The following SPAM1 variants were observed in gnomAD, a reference collection of about 807,000 sequenced individuals.
The protein encoded by SPAM1 is sperm adhesion molecule 1, also known as hyaluronidase PH-20.
SPAM1 carries 22 observed loss-of-function variants against 29.6 expected under a neutral mutation model. That is an observed-to-expected ratio of 0.74 (90% CI 0.53 to 1.06). The LOEUF is 1.06. Ranked by LOEUF, SPAM1 falls within the 50% of genes least tolerant of loss-of-function variation. SPAM1 has a pLI of 0.00. For missense variants in SPAM1, 534 were observed against 604.0 expected (o/e 0.88, Z 1.21); for synonymous variants, 194 against 204.6 (o/e 0.95, Z 0.44).
chr7:123,970,452 A>G (rs965325895), intron 6 of SPAM1, among the ~76,000 whole-genome samples: 1 of 152,020 alleles, frequency 6.6e-6, no homozygotes, highest in African/African-American at 2.4e-5. Flanking sequence ...ATAAGGTCAC[A>G]TTCTAAGATA....
At chr7:123,943,453 A>G (rs894553291) in intron 1 of SPAM1, among the ~76,000 whole-genome samples, 2 of 152,178 alleles carry the variant, frequency 1.3e-5, no homozygotes, top group African/African-American at 4.8e-5. Context: ...AATTTCACAT[A>G]ATAATCATAA....
intron 1 of SPAM1, among the ~76,000 whole-genome samples, chr7:123,933,107 G>C (rs1341514131): frequency 6.6e-6 from 1 of 151,420 alleles, no homozygotes; most frequent in Non-Finnish European, 1.5e-5. Context: ...AGAATGTGTA[G>C]GTTTGTTACA....
chr7:123,938,767 A>G (rs1236481907), intron 1 of SPAM1, among the ~76,000 whole-genome samples: 1 of 152,200 alleles, frequency 6.6e-6, no homozygotes, highest in Non-Finnish European at 1.5e-5. Flanking sequence ...GCAAACCCAT[A>G]GCCCTCATTA....
intron 1 of SPAM1, among the ~76,000 whole-genome samples, chr7:123,939,345 T>A (rs12670637): frequency 0.73 from 110,937 of 151,976 alleles, 40,931 homozygotes; most frequent in South Asian, 0.8. Context: ...TCGGCCTTCC[T>A]AAAGTGCTCG....
chr7:123,938,087 CT>C (rs112674188), intron 1 of SPAM1, among the ~76,000 whole-genome samples: 1,823 of 136,836 alleles, frequency 0.013, 22 homozygotes, highest in African/African-American at 0.037. Flanking sequence ...ACAAAATGTG[CT>C]TTTTTTTTTT....
chr7:123,949,327 C>T (rs534685100), intron 1 of SPAM1, among the ~76,000 whole-genome samples: 1 of 152,178 alleles, frequency 6.6e-6, no homozygotes, highest in Non-Finnish European at 1.5e-5. Context: ...ATCAGAAATA[C>T]ATAATGGACA....
intron 1 of SPAM1, among the ~76,000 whole-genome samples, chr7:123,937,327 C>T (rs2402678): frequency 0.83 from 125,762 of 152,076 alleles, 52,089 homozygotes; most frequent in Admixed American, 0.86. Flanking sequence ...TCAGGCCGGG[C>T]GCGGTGGCTC....
chr7:123,955,571 A>C (rs772835980), intron 4 of SPAM1, among the ~76,000 whole-genome samples: 23 of 152,026 alleles, frequency 1.5e-4, no homozygotes, highest in Non-Finnish European at 2.1e-4. Flanking sequence ...GAAGAATGCC[A>C]GATGAAGCTC....
At chr7:123,968,708 A>G in intron 5 of SPAM1, among the ~76,000 whole-genome samples, 1 of 152,014 alleles carries the variant, frequency 6.6e-6, no homozygotes, top group East Asian at 1.9e-4. Context: ...GTTTGAAAAT[A>G]TGGTTTCTAG....
rs1275249580 is a variant in SPAM1, at chr7:123,954,007, A to T, written c.437A>T (p.Asp146Val). The stretch of plus-strand genomic sequence containing the variant: ...GACAATTTGGGAATGGCTGTTATTG[A>T]CTGGGAAGAATGGAGACCCACTTGG... ...PVDNLGMAVI[D>V]WEEWRPTWAR... Residue 146 changes from aspartate to valine, a missense_variant, in exon 3 of 5, where the codon GAC becomes GTC. Asp to Val is a radical substitution (Grantham distance 152). Coordinates refer to ENST00000682466, the MANE Select transcript of SPAM1 (RefSeq NM_153189.3). 6.2e-7 allele frequency: 1 copy of T among 1,613,730 alleles called. No individual in the cohort carries two copies. The highest frequency in any genetic ancestry group is 1.3e-5 in the African/African-American group (1 of 75,024).
intron 1 of SPAM1, among the ~76,000 whole-genome samples, chr7:123,936,034 G>A (rs973207564): frequency 1.4e-4 from 22 of 152,184 alleles, no homozygotes; most frequent in African/African-American, 5.3e-4. Flanking sequence ...TCATTTTCTT[G>A]TATTACTGTG....
exon 6 of SPAM1, chr7:123,970,259 G>A (rs907826757): frequency 4.5e-6 from 7 of 1,548,096 alleles, no homozygotes; most frequent in Non-Finnish European, 4.4e-6. Context: ...GAGTCATGAG[G>A]GAAAAATGTG....
chr7:123,930,674 G>C (rs752700783), intron 1 of SPAM1, among the ~76,000 whole-genome samples: 27 of 152,296 alleles, frequency 1.8e-4, no homozygotes, highest in South Asian at 4.1e-4. Flanking sequence ...AACAAGGGTA[G>C]AGAAAACAAA....
chr7:123,966,821 ATGGATTGATC>A (rs1792431030), intron 5 of SPAM1, among the ~76,000 whole-genome samples: 1 of 152,002 alleles, frequency 6.6e-6, no homozygotes. Flanking sequence ...TACCCAGGTG[ATGGATTGATC>A]TGTGCAGCAA....
chr7:123,926,550 G>T (rs556656229), intron 1 of SPAM1, among the ~76,000 whole-genome samples: 1 of 152,172 alleles, frequency 6.6e-6, no homozygotes, highest in African/African-American at 2.4e-5. Flanking sequence ...TTATGGCCCC[G>T]TGACACAGCC....
intron 2 of SPAM1, among the ~76,000 whole-genome samples, chr7:123,952,802 A>G (rs571909094): frequency 6.6e-6 from 1 of 151,974 alleles, no homozygotes; most frequent in East Asian, 2.0e-4. Flanking sequence ...GGAGCCTTTC[A>G]GCTTGTTTGG....
chr7:123,928,571 T>C (rs1418789079), intron 1 of SPAM1, among the ~76,000 whole-genome samples: 2 of 152,158 alleles, frequency 1.3e-5, no homozygotes, highest in Non-Finnish European at 2.9e-5. Context: ...TTCCCTGGAA[T>C]TCCAACAGCT....
In SPAM1 at chr7:123,937,477, T is replaced by C. The variant is rs372229162; in HGVS notation, c.-319+12125T>C. ...TTAGCCGGGCATGGTGGCGGGCGCCTGTAGTCCCAGCTACTCGGGAGGCTG... is the reference window on the plus strand; with the variant it reads ...TTAGCCGGGCATGGTGGCGGGCGCCCGTAGTCCCAGCTACTCGGGAGGCTG... On this transcript the variant is annotated intron_variant, in intron 1 of 4. Transcript: ENST00000682466. Among the ~76,000 whole-genome samples, 176 of 151,590 alleles carry C rather than the reference T, an allele frequency of 1.2e-3. 1 individual carries two copies. The East Asian group carries it at 0.022, about 19-fold the overall frequency.
At chr7:123,970,516 A>G (rs1171797690) in intron 6 of SPAM1, among the ~76,000 whole-genome samples, 2 of 151,754 alleles carry the variant, frequency 1.3e-5, no homozygotes, top group African/African-American at 4.8e-5. Flanking sequence ...AGAGTTTGGG[A>G]GGACAAGACA....
Sources: allele counts gnomAD v4.1 joint callset (sites outside exome capture counted in the v4.1 genomes callset), GRCh38; gene constraint gnomAD v4.1.1; transcripts MANE v1.5; gene names NCBI Gene and HGNC (gene_info 2026-07-23, HGNC 2026-07-21).